Variants in FMN1 observed in about 807,000 individuals in gnomAD.
FMN1 encodes formin 1.
A neutral mutation model predicts 132.4 loss-of-function variants in FMN1; 110 were observed. The ratio of observed to expected loss-of-function variants is 0.83; its 90% confidence interval spans 0.71 to 0.97. FMN1 has a LOEUF of 0.97. Ranked by LOEUF, FMN1 falls within the 50% of genes least tolerant of loss-of-function variation. FMN1 has a pLI of 0.00. For synonymous variants in FMN1, 722 were observed against 651.7 expected (o/e 1.11, Z -1.64); for missense variants, 1,792 against 1,705.3 (o/e 1.05, Z -0.90).
At chr15:33,114,658 T>C in intron 4 of FMN1, among the ~76,000 whole-genome samples, 1 of 152,194 alleles carries the variant, frequency 6.6e-6, no homozygotes, top group African/African-American at 2.4e-5. Context: ...GCACCTTCTT[T>C]TGGAGAGAGC....
At chr15:32,996,503 T>C (rs1409741680) in intron 7 of FMN1, among the ~76,000 whole-genome samples, 1 of 152,184 alleles carries the variant, frequency 6.6e-6, no homozygotes, top group African/African-American at 2.4e-5. Context: ...AGGAATATTC[T>C]CACTAGGCAA....
intron 4 of FMN1, among the ~76,000 whole-genome samples, chr15:33,122,483 C>CA (rs1962660015): frequency 6.6e-6 from 1 of 152,200 alleles, no homozygotes; most frequent in Non-Finnish European, 1.5e-5. Context: ...TTTTACTGCT[C>CA]AGCCCACAGT....
intron 8 of FMN1, among the ~76,000 whole-genome samples, chr15:32,967,133 G>C (rs78128062): frequency 0.049 from 7,513 of 152,300 alleles, 223 homozygotes; most frequent in Middle Eastern, 0.088. Flanking sequence ...GATGAAACCA[G>C]TGAGACCTTC....
chr15:33,172,785 T>C (rs1003809924), intron 3 of FMN1, among the ~76,000 whole-genome samples: 1 of 152,084 alleles, frequency 6.6e-6, no homozygotes, highest in African/African-American at 2.4e-5. Flanking sequence ...TGAGTAGAGA[T>C]TAAAGACTGT....
intron 17 of FMN1, among the ~76,000 whole-genome samples, chr15:32,844,647 T>C (rs956447582): frequency 5.3e-5 from 8 of 152,226 alleles, no homozygotes; most frequent in Non-Finnish European, 7.3e-5. Context: ...TCATTGCTTC[T>C]GGCTTATTTT....
chr15:32,812,165 A>G (rs1168559847), intron 17 of FMN1, among the ~76,000 whole-genome samples: 1 of 152,210 alleles, frequency 6.6e-6, no homozygotes, highest in Non-Finnish European at 1.5e-5. Flanking sequence ...CAGTTTCCCC[A>G]TATACACATC....
intron 9 of FMN1, among the ~76,000 whole-genome samples, chr15:32,958,420 G>A (rs2030080514): frequency 6.6e-6 from 1 of 152,124 alleles, no homozygotes; most frequent in Non-Finnish European, 1.5e-5. Context: ...ACCCCTACAA[G>A]TCACTTTATC....
intron 17 of FMN1, among the ~76,000 whole-genome samples, chr15:32,844,354 G>A (rs951593234): frequency 2.0e-5 from 3 of 152,122 alleles, no homozygotes; most frequent in African/African-American, 7.2e-5. Flanking sequence ...GTTGATTTTG[G>A]TAGCCATGAA....
intron 17 of FMN1, among the ~76,000 whole-genome samples, chr15:32,808,465 G>A (rs2057758218): frequency 6.6e-6 from 1 of 152,218 alleles, no homozygotes; most frequent in Admixed American, 6.5e-5. Context: ...CAAGCTTCCA[G>A]TGGGTTGGCT....
intron 6 of FMN1, among the ~76,000 whole-genome samples, chr15:33,051,040 A>G (rs1179535352): frequency 2.0e-5 from 3 of 152,228 alleles, no homozygotes; most frequent in Non-Finnish European, 4.4e-5. Context: ...GAGTGCATAT[A>G]CAAGTGTGTG....
chr15:32,974,644 C>T (rs1458390201), intron 7 of FMN1, among the ~76,000 whole-genome samples: 1 of 152,194 alleles, frequency 6.6e-6, no homozygotes, highest in Non-Finnish European at 1.5e-5. Flanking sequence ...TGAGATGATG[C>T]CTTTGCACAG....
intron 16 of FMN1, among the ~76,000 whole-genome samples, chr15:32,884,444 A>AT (rs1181669803): frequency 2.0e-5 from 3 of 152,188 alleles, no homozygotes; most frequent in African/African-American, 7.2e-5. Context: ...CTCAGCGTTT[A>AT]AAGACTGACT....
intron 19 of FMN1, among the ~76,000 whole-genome samples, chr15:32,792,084 G>A (rs995431624): frequency 3.3e-5 from 5 of 152,022 alleles, no homozygotes; most frequent in Admixed American, 3.3e-4. Flanking sequence ...GGAGGGAGAT[G>A]AAGAAGGGGA....
chr15:33,088,370 G>A (rs760634516), intron 5 of FMN1, among the ~76,000 whole-genome samples: 1 of 152,206 alleles, frequency 6.6e-6, no homozygotes, highest in Admixed American at 6.5e-5. Context: ...CAGCTGGAGA[G>A]AAAGGTTCAT....
chr15:32,786,656 A>G (rs188235839), intron 19 of FMN1, among the ~76,000 whole-genome samples: 5 of 152,348 alleles, frequency 3.3e-5, no homozygotes, highest in Admixed American at 1.3e-4. Context: ...AGAAAGCTCA[A>G]TATCACATGG....
chr15:33,096,322 G>GTC, intron 4 of FMN1, among the ~76,000 whole-genome samples: 1 of 152,280 alleles, frequency 6.6e-6, no homozygotes, highest in East Asian at 1.9e-4. Flanking sequence ...AATAAGGCTG[G>GTC]TCTAGTCGTC....
Position 32,785,218 on chromosome 15 carries a change from A to ATATATATTTTTTTTTT in FMN1, c.4131-8300_4131-8299insAAAAAAAAAATATATA, listed in dbSNP as rs1444523400. ...TGTGTGTGTATATATATATATATAT[A>ATATATATTTTTTTTTT]TTTTTTTTTTTTTTTTTTTGTAGAG... is the stretch of plus-strand genomic sequence containing the variant. On this transcript the variant is annotated intron_variant, in intron 19 of 20. Coordinates refer to ENST00000616417, the MANE Select transcript of FMN1 (RefSeq NM_001277313.2). 8.4e-4 allele frequency among the ~76,000 whole-genome samples: 33 copies of ATATATATTTTTTTTTT among 39,194 alleles called. 1 individual carries two copies. The highest frequency in any genetic ancestry group is 1.0e-3 in the Non-Finnish European group (22 of 22,106). 25.7% of individuals were successfully genotyped at this position (39,194 alleles called of 152,430 possible). A position where few individuals can be genotyped will look rare whatever the true frequency, so the allele number is the denominator to read the frequency against.
chr15:32,865,607 C>T (rs7174398), intron 16 of FMN1, among the ~76,000 whole-genome samples: 20,652 of 152,128 alleles, frequency 0.14, 3,719 homozygotes, highest in African/African-American at 0.42. Flanking sequence ...GAGGACAAGG[C>T]GGGCAGATCA....
At chr15:33,070,838 A>G (rs2037970134) in intron 5 of FMN1, among the ~76,000 whole-genome samples, 1 of 152,184 alleles carries the variant, frequency 6.6e-6, no homozygotes, top group Non-Finnish European at 1.5e-5. Flanking sequence ...CTTAATACAG[A>G]TAACAACCAT....
Sources: allele counts gnomAD v4.1 joint callset (sites outside exome capture counted in the v4.1 genomes callset), GRCh38; gene constraint gnomAD v4.1.1; transcripts MANE v1.5; gene names NCBI Gene and HGNC (gene_info 2026-07-23, HGNC 2026-07-21).